Variants in STOX2 observed in about 807,000 individuals in gnomAD.
STOX2 encodes the protein storkhead-box protein 2.
A neutral mutation model predicts 60.9 loss-of-function variants in STOX2; 28 were observed. That is an observed-to-expected ratio of 0.46 (90% CI 0.34 to 0.63). The LOEUF (loss-of-function observed/expected upper bound fraction) is 0.63. Among genes scored for constraint, STOX2 ranks in the 30% least tolerant of loss-of-function variants. The pLI is 0.01. For synonymous variants in STOX2, 472 were observed against 463.9 expected, an observed-to-expected ratio of 1.02 and a Z score of -0.22; for missense variants, 1,024 against 1,187.7, an observed-to-expected ratio of 0.86 and a Z score of 2.03.
rs948573824 is a variant in STOX2, at chr4:183,872,645, T to C, written c.364+74590T>C. Among the ~76,000 whole-genome samples the C allele has an allele frequency of 2.6e-5, 4 of 152,144 alleles. No homozygotes were observed. The South Asian group carries it at 8.3e-4, about 32-fold the overall frequency. ...GGTTTTTAAAATTAGAAGCCGGGTG[T>C]GTGGCAAGCTCAGAAGCATATGACA... On this transcript the variant is annotated intron_variant, in intron 1 of 2. Transcript: ENST00000513034.
intron 1 of STOX2, chr4:183,987,963 G>A (rs1238164098): frequency 1.3e-5 from 2 of 152,120 alleles, no homozygotes; most frequent in Non-Finnish European, 2.9e-5. Context: ...ATTTTAATGT[G>A]TGTGTTCTCT....
chr4:184,017,595 A>G lies in STOX2; in HGVS notation c.*311A>G, dbSNP rs1157562315. 5.2e-6 allele frequency: 1 copy of G among 192,338 alleles called. No individual in the cohort carries two copies. Among genetic ancestry groups the G allele is most frequent in the Non-Finnish European group, 1.0e-5 (1 of 95,442 alleles). The allele number at this position is 192,338 out of a possible 1,614,324, so 11.9% of individuals were successfully genotyped here. A position where few individuals can be genotyped will look rare whatever the true frequency, so the allele number is the denominator to read the frequency against. On this transcript the variant is annotated 3_prime_UTR_variant, in exon 4 of 4. Transcript: ENST00000308497. ...AAGTGTAATACGCATTTTCAATGTC[A>G]TGCAGTTGCCAATTCCATTTTAAAA...
chr4:183,874,991 A>ATATATATATATATG (rs150927457), intron 1 of STOX2, among the ~76,000 whole-genome samples: 28 of 84,876 alleles, frequency 3.3e-4, no homozygotes, highest in South Asian at 1.4e-3. Flanking sequence ...ATATATATAT[A>ATATATATATATATG]TAAAACTTAG....
In STOX2 at chr4:184,011,537, G is replaced by T. The variant is rs764972362; in HGVS notation, c.2585+114G>T. On this transcript the variant is annotated intron_variant, in intron 3 of 3. Transcript: ENST00000308497. The surrounding 1 kb of genome is among the most constrained non-coding windows in gnomAD (Gnocchi z 4.4). ...TCTCAGTTCTATGGATGAGGGTTAA[G>T]AGTTGTATGAGTTGTATTGTTAACA... is the stretch of plus-strand genomic sequence containing the variant. The T allele has an allele frequency of 1.3e-6, 2 of 1,555,566 alleles. No individual in the cohort carries two copies. The highest frequency in any genetic ancestry group is 8.7e-7 in the Non-Finnish European group (1 of 1,151,450).
chr4:183,909,733 C>T (rs977649503), intron 1 of STOX2, among the ~76,000 whole-genome samples: 4 of 148,676 alleles, frequency 2.7e-5, no homozygotes, highest in Non-Finnish European at 6.0e-5. Flanking sequence ...GTAGGTGCTT[C>T]AAGCAAAATT....
intron 1 of STOX2, among the ~76,000 whole-genome samples, chr4:183,878,792 T>C (rs1740886440): frequency 6.6e-6 from 1 of 152,246 alleles, no homozygotes. Context: ...CTTTTAATCC[T>C]AACCTTTGTA....
In STOX2 at chr4:183,839,286, A is replaced by T. The variant is rs1739790829; in HGVS notation, c.364+41231A>T. On this transcript the variant is annotated intron_variant, in intron 1 of 2. Coordinates refer to the STOX2 transcript ENST00000513034. ...AATGTCATCTGAAAGAGTCACAGAG[A>T]CATCTAGACATCTAGGTGTCAGATC... 2.6e-5 allele frequency among the ~76,000 whole-genome samples: 4 copies of T among 152,200 alleles called. No homozygotes were observed. The South Asian group carries it at 8.3e-4, about 31-fold the overall frequency.
At position 184,009,438 on chromosome 4, in the gene STOX2, C is replaced by T. The variant is rs1300694879; in HGVS notation, c.600C>T (p.His200=). ...CCCGAAACCACTGCGACTCTTGCCACTGCTGCAGAGAAGACGTGCACAGCA... is the reference window on the plus strand; with the variant it reads ...CCCGAAACCACTGCGACTCTTGCCATTGCTGCAGAGAAGACGTGCACAGCA... ...TLPRNHCDSC[H]CCREDVHSTH... The change falls in exon 3 of 4, where the codon CAC becomes CAT. Residue 200 remains histidine, a synonymous_variant. Coordinates refer to ENST00000308497, the MANE Select transcript of STOX2 (RefSeq NM_020225.3). The surrounding 1 kb of genome is among the most constrained non-coding windows in gnomAD (Gnocchi z 4.0). 1 of 1,614,062 alleles carries T rather than the reference C, an allele frequency of 6.2e-7. No individual in the cohort carries two copies. Among genetic ancestry groups the T allele is most frequent in the East Asian group, 2.2e-5 (1 of 44,884 alleles).
At chr4:183,801,496 G>A (rs893931416) in intron 1 of STOX2, among the ~76,000 whole-genome samples, 1 of 152,224 alleles carries the variant, frequency 6.6e-6, no homozygotes, top group Non-Finnish European at 1.5e-5. Flanking sequence ...ATAAGAAATT[G>A]AGAGTGTGCT....
At chr4:183,915,733 C>T (rs1741913138) in intron 1 of STOX2, among the ~76,000 whole-genome samples, 1 of 152,180 alleles carries the variant, frequency 6.6e-6, no homozygotes, top group African/African-American at 2.4e-5. Flanking sequence ...GATGTGTTTA[C>T]AAACGAGGGA....
intron 1 of STOX2, among the ~76,000 whole-genome samples, chr4:183,874,642 A>ATC (rs762561576): frequency 7.3e-5 from 11 of 151,106 alleles, no homozygotes; most frequent in Admixed American, 2.6e-4. Flanking sequence ...ATATATATAT[A>ATC]TTGGCCGGGC....
At position 184,020,231 on chromosome 4, in the gene STOX2, T is replaced by C. The variant is rs1734528988; in HGVS notation, c.*2947T>C. On this transcript the variant is annotated 3_prime_UTR_variant, in exon 4 of 4. Transcript: ENST00000308497. ...GTCAGTGATTGCCTCTGTGGACTCATGACTTTCCATCGCCATGGCTTTCTC... is the reference window on the plus strand; with the variant it reads ...GTCAGTGATTGCCTCTGTGGACTCACGACTTTCCATCGCCATGGCTTTCTC... 6.6e-6 allele frequency: 1 copy of C among 152,198 alleles called. No individual in the cohort carries two copies. The highest frequency in any genetic ancestry group is 2.1e-4 in the South Asian group (1 of 4,834). 9.4% of individuals were successfully genotyped at this position (152,198 alleles called of 1,614,324 possible).
chr4:183,799,771 A>G (rs1456370725), intron 1 of STOX2, among the ~76,000 whole-genome samples: 1 of 152,154 alleles, frequency 6.6e-6, no homozygotes, highest in Non-Finnish European at 1.5e-5. Flanking sequence ...GTTCATAGGA[A>G]TTGGTGATCT....
At chr4:183,941,607 G>A (rs1016927265) in intron 1 of STOX2, among the ~76,000 whole-genome samples, 1 of 152,080 alleles carries the variant, frequency 6.6e-6, no homozygotes, top group African/African-American at 2.4e-5. Context: ...TCATGCATGG[G>A]GTGGGGGTTG....
chr4:184,009,113 TTC>T lies in STOX2; in HGVS notation c.320-43_320-42del, dbSNP rs1352728616. The T allele has an allele frequency of 1.5e-6, 2 of 1,378,426 alleles. No individual in the cohort carries two copies. Among genetic ancestry groups the T allele is most frequent in the East Asian group, 2.4e-5 (1 of 41,634 alleles). 85.4% of individuals were successfully genotyped at this position (1,378,426 alleles called of 1,614,324 possible). On this transcript the variant is annotated intron_variant, in intron 2 of 3. Coordinates refer to ENST00000308497, the MANE Select transcript of STOX2 (RefSeq NM_020225.3). This position sits in a 1 kb window ranked among gnomAD's most constrained non-coding sequence, Gnocchi z 4.0. ...ATCCTGGAAATCAGGAATCCACATG[TTC>T]TGTCTTCATTCTCACAAGTGGTTTT...
chr4:183,835,799 G>T (rs1739694806), intron 1 of STOX2, among the ~76,000 whole-genome samples: 1 of 152,112 alleles, frequency 6.6e-6, no homozygotes, highest in Non-Finnish European at 1.5e-5. Context: ...TCCAGTTTTT[G>T]GCTATTAAGA....
At position 183,936,628 on chromosome 4, in the gene STOX2, A is replaced by C. The variant is rs114163682; in HGVS notation, c.166+29672A>C. Among the ~76,000 whole-genome samples the C allele has an allele frequency of 7.8e-3, 1,185 of 152,300 alleles. 18 individuals are homozygous for C. Among genetic ancestry groups the C allele is most frequent in the African/African-American group, 0.027 (1,138 of 41,560 alleles). ...TAAATGAAAAACCTAGATTTTAAGA[A>C]ACTAATAATTTTTTAAAAACTAAGA... On this transcript the variant is annotated intron_variant, in intron 1 of 3. Transcript: ENST00000308497.
At chr4:183,890,768 A>C (rs1216822361) in intron 1 of STOX2, among the ~76,000 whole-genome samples, 1 of 152,148 alleles carries the variant, frequency 6.6e-6, no homozygotes, top group Non-Finnish European at 1.5e-5. Context: ...TCATTGAAAG[A>C]GTAGGAAGAG....
In STOX2 at chr4:184,009,135, G is replaced by GGT; in HGVS notation, c.320-22_320-21dup. 4.0e-5 allele frequency: 40 copies of GGT among 1,001,174 alleles called. No homozygotes were observed. Among genetic ancestry groups the GGT allele is most frequent in the Admixed American group, 6.1e-5 (2 of 32,722 alleles). 62.0% of individuals were successfully genotyped at this position (1,001,174 alleles called of 1,614,324 possible). A position where few individuals can be genotyped will look rare whatever the true frequency, so the allele number is the denominator to read the frequency against. ...ATGTTCTGTCTTCATTCTCACAAGT[G>GGT]GTTTTTTTTTTTTTTTTTTCAGGTG... On this transcript the variant is annotated intron_variant, in intron 2 of 3. Transcript: ENST00000308497. The surrounding 1 kb of genome is among the most constrained non-coding windows in gnomAD (Gnocchi z 4.0).
Sources: allele counts gnomAD v4.1 joint callset (sites outside exome capture counted in the v4.1 genomes callset), GRCh38; gene constraint gnomAD v4.1.1; non-coding constraint Gnocchi (gnomAD v3.1); transcripts MANE v1.5; gene names NCBI Gene and HGNC (gene_info 2026-07-23, HGNC 2026-07-21).